The following PTH1R variants were observed in gnomAD, a reference collection of about 807,000 sequenced individuals.
The protein encoded by PTH1R is parathyroid hormone/parathyroid hormone-related peptide receptor.
A neutral mutation model predicts 70.7 loss-of-function variants in PTH1R; 32 were observed. That is an observed-to-expected ratio of 0.45 (90% CI 0.34 to 0.61). The LOEUF is 0.61. PTH1R is among the 20% of genes least tolerant of loss of function. The pLI, the probability that PTH1R is intolerant of heterozygous loss-of-function variation, is 0.01. For missense variants in PTH1R, 626 were observed against 792.5 expected (o/e 0.79, Z 2.52); for synonymous variants, 329 against 324.8 (o/e 1.01, Z -0.14).
Position 46,901,348 on chromosome 3 carries a change from G to A in PTH1R, c.1050-66G>A. ...CTAATGTCAGACCAGACCAAATCTG[G>A]GTCTCTGTGGGCAGTCTTAGGATGG... On this transcript the variant is annotated intron_variant, in intron 11 of 15. Coordinates refer to ENST00000449590, the MANE Select transcript of PTH1R (RefSeq NM_000316.3). This position sits in a 1 kb window ranked among gnomAD's most constrained non-coding sequence, Gnocchi z 7.3. The A allele has an allele frequency of 6.5e-7, 1 of 1,538,228 alleles. No homozygotes were observed. The highest frequency in any genetic ancestry group is 8.8e-7 in the Non-Finnish European group (1 of 1,135,604).
rs2242117 is a variant in PTH1R, at chr3:46,893,758, C to A, written c.76-149C>A. Reference sequence around the variant, plus strand: ...TCTGTAAGGTGTGAGCTCCATAGAGCAGATTCCCCACATGCAGGGGAAATC... The same window carrying A: ...TCTGTAAGGTGTGAGCTCCATAGAGAAGATTCCCCACATGCAGGGGAAATC... On this transcript the variant is annotated intron_variant, in intron 3 of 15. Transcript: ENST00000449590. This position sits in a 1 kb window ranked among gnomAD's most constrained non-coding sequence, Gnocchi z 5.2. 1.4e-6 allele frequency: 1 copy of A among 735,674 alleles called. No homozygotes were observed. Among genetic ancestry groups the A allele is most frequent in the Non-Finnish European group, 2.4e-6 (1 of 416,628 alleles). 45.6% of individuals were successfully genotyped at this position (735,674 alleles called of 1,614,324 possible). A position where few individuals can be genotyped will look rare whatever the true frequency, so the allele number is the denominator to read the frequency against.
rs1472079906 is a variant in PTH1R at position 46,902,885 on chromosome 3, T to C, written c.1395+95T>C. On this transcript the variant is annotated intron_variant, in intron 15 of 15. Transcript: ENST00000449590. The surrounding 1 kb of genome is among the most constrained non-coding windows in gnomAD (Gnocchi z 5.4). ...TTCTCCATTCTTCCACCCTGTTATT[T>C]CTTTGTTCCTCCAAGAACACCCCTG... 2 of 1,533,114 alleles carry C rather than the reference T, an allele frequency of 1.3e-6. No individual in the cohort carries two copies. Among genetic ancestry groups the C allele is most frequent in the African/African-American group, 1.4e-5 (1 of 73,044 alleles). The allele number at this position is 1,533,114 out of a possible 1,614,324, so 95.0% of individuals were successfully genotyped here.
chr3:46,902,441 C>T lies in PTH1R; in HGVS notation c.1212-85C>T. On this transcript the variant is annotated intron_variant, in intron 13 of 15. Transcript: ENST00000449590. The surrounding 1 kb of genome is among the most constrained non-coding windows in gnomAD (Gnocchi z 5.4). ...CCTGGGCCCCTTTGAGCTTCCGGAG[C>T]CTGGGGCTCGCAGGGTGGGGGGTGG... 6.4e-7 allele frequency: 1 copy of T among 1,562,364 alleles called. No individual in the cohort carries two copies. Among genetic ancestry groups the T allele is most frequent in the South Asian group, 1.2e-5 (1 of 85,470 alleles).
rs387907460 is a variant in PTH1R at position 46,902,618 on chromosome 3, C to T, written c.1304C>T (p.Thr435Met). The T allele has an allele frequency of 7.2e-5, 117 of 1,613,946 alleles. No individual in the cohort carries two copies. Among genetic ancestry groups the T allele is most frequent in the Non-Finnish European group, 8.7e-5 (103 of 1,180,038 alleles). The change falls in exon 14 of 16, where the codon ACG becomes ATG. Residue 435 changes from threonine (T) to methionine (M), a missense_variant. Coordinates refer to ENST00000449590, the MANE Select transcript of PTH1R (RefSeq NM_000316.3). This position sits in a 1 kb window ranked among gnomAD's most constrained non-coding sequence, Gnocchi z 5.4. ...ACACCATACACCGAGGTCTCAGGGACGCTCTGGCAAGTCCAGATGCACTAT... is the reference window on the plus strand; with the variant it reads ...ACACCATACACCGAGGTCTCAGGGATGCTCTGGCAAGTCCAGATGCACTAT... ...MATPYTEVSGTLWQVQMHYEM... is the reference protein window; with the variant it reads ...MATPYTEVSGMLWQVQMHYEM...
chr3:46,901,737 C>T lies in PTH1R; in HGVS notation c.1117-29C>T, dbSNP rs779783411. On this transcript the variant is annotated intron_variant, in intron 12 of 15. Coordinates refer to ENST00000449590, the MANE Select transcript of PTH1R (RefSeq NM_000316.3). The surrounding 1 kb of genome is among the most constrained non-coding windows in gnomAD (Gnocchi z 7.3). Reference sequence around the variant, plus strand: ...TTGCCCCGCCCCACTAGGGTGCAGCCTCCAGACGCAGCCCCCTCACTCCCA... The same window carrying T: ...TTGCCCCGCCCCACTAGGGTGCAGCTTCCAGACGCAGCCCCCTCACTCCCA... The T allele has an allele frequency of 7.5e-6, 12 of 1,598,458 alleles. No individual in the cohort carries two copies. In the African/African-American group the frequency reaches 1.2e-4, roughly 16 times the overall value.
intron 3 of PTH1R, among the ~76,000 whole-genome samples, chr3:46,885,616 G>A (rs551159435): frequency 2.6e-5 from 4 of 152,342 alleles, no homozygotes; most frequent in Middle Eastern, 6.8e-3. Flanking sequence ...CCTGGCCCAT[G>A]TCTGAGAGTA....
chr3:46,892,813 G>A lies in PTH1R; in HGVS notation c.76-1094G>A, dbSNP rs867628232. 42 of 985,660 alleles carry A rather than the reference G, an allele frequency of 4.3e-5. No homozygotes were observed. The highest frequency in any genetic ancestry group is 5.2e-4 in the Middle Eastern group (1 of 1,916). The allele number at this position is 985,660 out of a possible 1,614,324, so 61.1% of individuals were successfully genotyped here. On this transcript the variant is annotated intron_variant, in intron 3 of 15. Coordinates refer to ENST00000449590, the MANE Select transcript of PTH1R (RefSeq NM_000316.3). This position sits in a 1 kb window ranked among gnomAD's most constrained non-coding sequence, Gnocchi z 5.2. The stretch of plus-strand genomic sequence containing the variant: ...CGGAGCTGAGGAGACGTAGCCTTCT[G>A]GGGTAGGGATGGAGGGGGTCGTCTC...
chr3:46,883,275 C>T lies in PTH1R; in HGVS notation c.-48-237C>T, dbSNP rs1418449836. On this transcript the variant is annotated intron_variant, in intron 2 of 15. Coordinates refer to ENST00000449590, the MANE Select transcript of PTH1R (RefSeq NM_000316.3). The surrounding 1 kb of genome is among the most constrained non-coding windows in gnomAD (Gnocchi z 6.4). ...GCTCCGAGGCAGACGGGCCGCTCCG[C>T]AGCGCTCGGCGCCCGCCCGCCGCCC... is the stretch of plus-strand genomic sequence containing the variant. 1 of 275,612 alleles carries T rather than the reference C, an allele frequency of 3.6e-6. No homozygotes were observed. Among genetic ancestry groups the T allele is most frequent in the Non-Finnish European group, 6.7e-6 (1 of 148,364 alleles). 17.1% of individuals were successfully genotyped at this position (275,612 alleles called of 1,614,324 possible). A position where few individuals can be genotyped will look rare whatever the true frequency, so the allele number is the denominator to read the frequency against.
At chr3:46,881,651 G>A (rs1401140894) in intron 2 of PTH1R, among the ~76,000 whole-genome samples, 1 of 152,144 alleles carries the variant, frequency 6.6e-6, no homozygotes, top group Non-Finnish European at 1.5e-5. Flanking sequence ...GGCGGGGGTC[G>A]GGGCTGGCCT....
rs200603325 is a variant in PTH1R at position 46,883,646 on chromosome 3, G to A, written c.75+12G>A. 1.5e-3 allele frequency: 2,245 copies of A among 1,545,740 alleles called. 16 individuals carry two copies. In the Middle Eastern group the frequency reaches 0.016, roughly 11 times the overall value. On this transcript the variant is annotated intron_variant, in intron 3 of 15. Coordinates refer to ENST00000449590, the MANE Select transcript of PTH1R (RefSeq NM_000316.3). This position sits in a 1 kb window ranked among gnomAD's most constrained non-coding sequence, Gnocchi z 6.4. Reference sequence around the variant, plus strand: ...CCGCGTACGCGCTGGTGAGTCCCCCGCCGCCAACACTCCGGGACAGGCTGC... The same window carrying A: ...CCGCGTACGCGCTGGTGAGTCCCCCACCGCCAACACTCCGGGACAGGCTGC...
intron 1 of PTH1R, among the ~76,000 whole-genome samples, chr3:46,880,650 C>T (rs1331747155): frequency 6.6e-6 from 1 of 152,130 alleles, no homozygotes; most frequent in Non-Finnish European, 1.5e-5. Context: ...TCACTTGAGC[C>T]TGGGAAGCGG....
At position 46,901,640 on chromosome 3, in the gene PTH1R, A is replaced by G. The variant is rs896389834; in HGVS notation, c.1117-126A>G. The G allele has an allele frequency of 8.7e-6, 12 of 1,378,386 alleles. No individual in the cohort carries two copies. The Admixed American group carries it at 9.3e-5, about 11-fold the overall frequency. 85.4% of individuals were successfully genotyped at this position (1,378,386 alleles called of 1,614,324 possible). A position where few individuals can be genotyped will look rare whatever the true frequency, so the allele number is the denominator to read the frequency against. ...TGATCCACACTCCAGCCCAGAAAGG[A>G]AAACCAAGGGCTCAAGGAGCCACCC... On this transcript the variant is annotated intron_variant, in intron 12 of 15. Transcript: ENST00000449590. This position sits in a 1 kb window ranked among gnomAD's most constrained non-coding sequence, Gnocchi z 7.3.
At chr3:46,887,881 T>A (rs1262204665) in intron 3 of PTH1R, among the ~76,000 whole-genome samples, 1 of 152,240 alleles carries the variant, frequency 6.6e-6, no homozygotes, top group Non-Finnish European at 1.5e-5. Context: ...TGTGTCTATA[T>A]GTGCGTGATT....
In PTH1R at chr3:46,903,587, G is replaced by A; in HGVS notation, c.1713G>A (p.Leu571=). 4 of 1,613,674 alleles carry A rather than the reference G, an allele frequency of 2.5e-6. No homozygotes were observed. The highest frequency in any genetic ancestry group is 3.4e-6 in the Non-Finnish European group (4 of 1,180,022). Residue 571 remains leucine, a synonymous_variant, in exon 16 of 16, where the codon CTG becomes CTA. Coordinates refer to ENST00000449590, the MANE Select transcript of PTH1R (RefSeq NM_000316.3). The surrounding 1 kb of genome is among the most constrained non-coding windows in gnomAD (Gnocchi z 4.4). ...TCCTCAACGGCTCCTGCTCAGGCCT[G>A]GACGAGGAGGCCTCTGGGCCTGAGC... The part of the protein sequence containing the change: ...DGFLNGSCSG[L]DEEASGPERP...
intron 8 of PTH1R, 43 bp downstream of exon 8, chr3:46,898,515 G>A: frequency 1.9e-6 from 3 of 1,608,566 alleles, no homozygotes; most frequent in Non-Finnish European, 2.5e-6. Context: ...TGGTGGAGGG[G>A]GGGCGGTGGC....
In PTH1R at chr3:46,898,831, C is replaced by T; in HGVS notation, c.808C>T (p.Pro270Ser). The T allele has an allele frequency of 6.4e-7, 1 of 1,553,136 alleles. No homozygotes were observed. Among genetic ancestry groups the T allele is most frequent in the Non-Finnish European group, 8.7e-7 (1 of 1,154,748 alleles). The part of the protein sequence containing the change: ...ELRAIAQAPP[P>S]PATAAAGYAG... ...GCGCGCCATCGCCCAGGCGCCCCCG[C>T]CGCCTGCCACCGCCGCTGCCGGCTA... Residue 270 changes from proline to serine, a missense_variant, in exon 9 of 16, where the codon CCG (proline) becomes TCG (serine). Pro to Ser is a moderately conservative substitution (Grantham distance 74, BLOSUM62 -1). Coordinates refer to ENST00000449590, the MANE Select transcript of PTH1R (RefSeq NM_000316.3).
In PTH1R at chr3:46,901,531, C is replaced by A. The variant is rs776022941; in HGVS notation, c.1116+51C>A. 10 of 1,546,358 alleles carry A rather than the reference C, an allele frequency of 6.5e-6. No individual in the cohort carries two copies. The highest frequency in any genetic ancestry group is 7.9e-6 in the Non-Finnish European group (9 of 1,142,792). On this transcript the variant is annotated intron_variant, in intron 12 of 15. Transcript: ENST00000449590. This position sits in a 1 kb window ranked among gnomAD's most constrained non-coding sequence, Gnocchi z 7.3. ...CAGGGGTGGGTGGGATGTGCGCCTG[C>A]GTCCCCTGGAACCAGCCCCTGACAG...
intron 3 of PTH1R, among the ~76,000 whole-genome samples, chr3:46,889,945 G>C (rs931068205): frequency 6.6e-6 from 1 of 152,174 alleles, no homozygotes; most frequent in East Asian, 1.9e-4. Context: ...GAGGGGCGGG[G>C]AGAAGGGAGT....
Position 46,879,530 on chromosome 3 carries a change from C to T in PTH1R, c.-105-1532C>T, listed in dbSNP as rs1344901322. Reference sequence around the variant, plus strand: ...GGCCGAGGCAGGAGGACTGCTTGAGCCCAAGAGTTGGAGACCAGTCTAGGC... The same window carrying T: ...GGCCGAGGCAGGAGGACTGCTTGAGTCCAAGAGTTGGAGACCAGTCTAGGC... On this transcript the variant is annotated intron_variant, in intron 1 of 15. Coordinates refer to ENST00000449590, the MANE Select transcript of PTH1R (RefSeq NM_000316.3). The surrounding 1 kb of genome is among the most constrained non-coding windows in gnomAD (Gnocchi z 4.7). 1.3e-5 allele frequency among the ~76,000 whole-genome samples: 2 copies of T among 151,530 alleles called. No homozygotes were observed. Among genetic ancestry groups the T allele is most frequent in the Non-Finnish European group, 2.9e-5 (2 of 67,900 alleles).
Sources: allele counts gnomAD v4.1 joint callset (sites outside exome capture counted in the v4.1 genomes callset), GRCh38; gene constraint gnomAD v4.1.1; non-coding constraint Gnocchi (gnomAD v3.1); transcripts MANE v1.5; gene names NCBI Gene and HGNC (gene_info 2026-07-23, HGNC 2026-07-21).